The following CDHR2 variants were observed in gnomAD, a reference collection of about 807,000 sequenced individuals.
The protein encoded by CDHR2 is cadherin related family member 2.
Under a neutral mutation model 138.6 loss-of-function variants are expected in CDHR2, and 104 were observed. The ratio of observed to expected loss-of-function variants is 0.75; its 90% CI spans 0.64 to 0.88. The LOEUF (loss-of-function observed/expected upper bound fraction) is 0.88, where lower values mean the gene tolerates loss of function less well. CDHR2 is among the 40% of genes least tolerant of loss of function. The pLI is 0.00. For missense variants in CDHR2, 1,624 were observed against 1,727.6 expected, an observed-to-expected ratio of 0.94 and a Z score of 1.06; for synonymous variants, 755 against 742.8, an observed-to-expected ratio of 1.02 and a Z score of -0.27.
intron 3 of CDHR2, among the ~76,000 whole-genome samples, 157 bp from the exon 4 acceptor site, chr5:176,568,521 T>C (rs1386179407): frequency 6.6e-6 from 1 of 152,224 alleles, no homozygotes; most frequent in Non-Finnish European, 1.5e-5. Context: ...GAAATCAGGA[T>C]GCTGCTGACT....
intron 3 of CDHR2, 92 bp from the exon 4 acceptor site, chr5:176,568,586 C>T (rs1554141976): frequency 4.8e-6 from 7 of 1,448,110 alleles, no homozygotes; most frequent in Non-Finnish European, 6.6e-6. Flanking sequence ...TACAGGGCAG[C>T]CAGGCGCCCA....
At chr5:176,592,442 GGAT>G (rs1335086610) in intron 30 of CDHR2, among the ~76,000 whole-genome samples, 2 of 127,072 alleles carry the variant, frequency 1.6e-5, no homozygotes, top group Non-Finnish European at 3.3e-5. Context: ...TGGTGATGAT[GGAT>G]GATGACGGTG....
chr5:176,571,827 C>T (rs557292676), intron 6 of CDHR2, among the ~76,000 whole-genome samples: 58 of 152,254 alleles, frequency 3.8e-4, no homozygotes, highest in South Asian at 1.9e-3. Context: ...TGAGCCACTG[C>T]GCCCAGCCTC....
At chr5:176,565,948 A>G (rs79396280) in intron 3 of CDHR2, among the ~76,000 whole-genome samples, 2 of 152,066 alleles carry the variant, frequency 1.3e-5, no homozygotes, top group Admixed American at 6.5e-5. Flanking sequence ...AAGGTGTGAG[A>G]CGCACCTCCA....
intron 5 of CDHR2, among the ~76,000 whole-genome samples, chr5:176,569,583 AAATGTAT>A (rs1758176619): frequency 6.6e-6 from 1 of 152,140 alleles, no homozygotes; most frequent in African/African-American, 2.4e-5. Context: ...CGCCCGGCCT[AAATGTAT>A]TATTAATGTA....
chr5:176,591,683 A>T (rs1469015515), intron 30 of CDHR2, 199 bp downstream of exon 30: 6 of 530,052 alleles, frequency 1.1e-5, no homozygotes, highest in Non-Finnish European at 1.7e-5. Flanking sequence ...GGTGATGATG[A>T]CAACAATGAT....
chr5:176,566,359 G>A (rs1758079456), intron 3 of CDHR2, among the ~76,000 whole-genome samples: 1 of 152,200 alleles, frequency 6.6e-6, no homozygotes, highest in African/African-American at 2.4e-5. Flanking sequence ...AGCGGTGCAG[G>A]AACGAATGAA....
intron 5 of CDHR2, among the ~76,000 whole-genome samples, chr5:176,570,821 C>T (rs1003032184): frequency 8.6e-5 from 13 of 151,860 alleles, no homozygotes; most frequent in Non-Finnish European, 1.5e-4. Flanking sequence ...TGTGGTGGTG[C>T]ATGTCTGTAA....
chr5:176,559,082 C>A (rs76277542), intron 1 of CDHR2, among the ~76,000 whole-genome samples: 1 of 152,072 alleles, frequency 6.6e-6, no homozygotes, highest in Non-Finnish European at 1.5e-5. Context: ...TATAACATGG[C>A]GGCCTCAGGG....
At chr5:176,545,387 T>C (rs748294741), upstream of CDHR2, among the ~76,000 whole-genome samples, 3 of 152,160 alleles carry the variant, frequency 2.0e-5, no homozygotes, top group East Asian at 1.9e-4. Flanking sequence ...GTGATCTGCC[T>C]GCCTCAGTGT....
intron 1 of CDHR2, among the ~76,000 whole-genome samples, chr5:176,549,644 C>T (rs1757660502): frequency 6.6e-6 from 1 of 152,136 alleles, no homozygotes. Context: ...GGCTGATGGC[C>T]CCCTTCCCAT....
chr5:176,551,935 C>G (rs1377786044), intron 1 of CDHR2, among the ~76,000 whole-genome samples: 1 of 151,676 alleles, frequency 6.6e-6, no homozygotes, highest in Non-Finnish European at 1.5e-5. Flanking sequence ...AGGATGGTCT[C>G]GATCTCCTGA....
At chr5:176,563,242 G>A (rs138921591) in intron 1 of CDHR2, among the ~76,000 whole-genome samples, 2,672 of 152,246 alleles carry the variant, frequency 0.018, 39 homozygotes, top group Non-Finnish European at 0.024. Context: ...CAGCTACTCG[G>A]GAGGCTGAGG....
At chr5:176,562,850 G>A (rs1483780210) in intron 1 of CDHR2, among the ~76,000 whole-genome samples, 1 of 152,128 alleles carries the variant, frequency 6.6e-6, no homozygotes, top group Admixed American at 6.5e-5. Context: ...TTGAACACAC[G>A]TGCATGCAAC....
rs1757743799 is a variant in CDHR2, at chr5:176,553,059, G to T, written c.-16+3645G>T. ...TGCCCTGTGAGATGGGGAGGGGGGAGTTGGGAGACACTTCCATGAGGGAGA... is the reference window on the plus strand; with the variant it reads ...TGCCCTGTGAGATGGGGAGGGGGGATTTGGGAGACACTTCCATGAGGGAGA... On this transcript the variant is annotated intron_variant, in intron 1 of 31. Coordinates refer to ENST00000261944, the MANE Select transcript of CDHR2 (RefSeq NM_017675.6). The surrounding 1 kb of genome is among the most constrained non-coding windows in gnomAD (Gnocchi z 4.3). Among the ~76,000 whole-genome samples, 1 of 152,182 alleles carries T rather than the reference G, an allele frequency of 6.6e-6. No individual in the cohort carries two copies. Among genetic ancestry groups the T allele is most frequent in the Non-Finnish European group, 1.5e-5 (1 of 68,024 alleles).
At chr5:176,562,855 T>C (rs1448357423) in intron 1 of CDHR2, among the ~76,000 whole-genome samples, 1 of 152,160 alleles carries the variant, frequency 6.6e-6, no homozygotes, top group Non-Finnish European at 1.5e-5. Flanking sequence ...CACACGTGCA[T>C]GCAACATATG....
chr5:176,564,248 T>C (rs547854004), intron 1 of CDHR2, among the ~76,000 whole-genome samples: 157 of 152,272 alleles, frequency 1.0e-3, no homozygotes, highest in African/African-American at 3.5e-3. Flanking sequence ...TGCGATGGCG[T>C]GATCTCATCT....
chr5:176,588,314 GTA>G (rs1758719367), intron 21 of CDHR2, among the ~76,000 whole-genome samples: 1 of 151,968 alleles, frequency 6.6e-6, no homozygotes, highest in South Asian at 2.1e-4. Context: ...TTGTGGGTGT[GTA>G]TGTGTGTGAC....
In CDHR2 at chr5:176,577,523, A is replaced by G; in HGVS notation, c.1319A>G (p.Asp440Gly). The change falls in exon 13 of 32, where the codon GAC (aspartate) becomes GGC (glycine). Residue 440 changes from aspartate (D) to glycine (G), a missense_variant. This residue lies in a region of CDHR2 where 1,061 missense variants were observed against 1,136.6 expected (regional missense o/e 0.93). Coordinates refer to ENST00000261944, the MANE Select transcript of CDHR2 (RefSeq NM_017675.6). ...QVLVRVSALV[D>G]YERQTAMAVQ... is the part of the protein sequence containing the mutation. ...CTGGTGAGAGTATCCGCGCTGGTGG[A>G]CTACGAGAGGCAGACGGCGATGGCG... The G allele has an allele frequency of 6.2e-7, 1 of 1,613,572 alleles. No individual in the cohort carries two copies. Among genetic ancestry groups the G allele is most frequent in the Non-Finnish European group, 8.5e-7 (1 of 1,179,860 alleles).
Sources: allele counts gnomAD v4.1 joint callset (sites outside exome capture counted in the v4.1 genomes callset), GRCh38; gene constraint gnomAD v4.1.1; regional missense constraint gnomAD v4.1.1; non-coding constraint Gnocchi (gnomAD v3.1); transcripts MANE v1.5; gene names NCBI Gene and HGNC (gene_info 2026-07-23, HGNC 2026-07-21).